Variants in PCDH15 observed in about 807,000 individuals in gnomAD.
PCDH15 encodes the protein protocadherin-15.
Under a neutral mutation model 178.5 loss-of-function variants are expected in PCDH15, and 129 were observed. That is an observed-to-expected ratio of 0.72 (90% CI 0.63 to 0.84). The LOEUF (loss-of-function observed/expected upper bound fraction) is 0.84. Ranked by LOEUF, PCDH15 falls within the 40% of genes least tolerant of loss-of-function variation. PCDH15 has a pLI of 0.00. For missense variants in PCDH15, 2,230 were observed against 2,099.9 expected (o/e 1.06, Z -1.21); for synonymous variants, 800 against 732.0 (o/e 1.09, Z -1.50).
At chr10:54,297,951 AC>A (rs771814329) in intron 8 of PCDH15, among the ~76,000 whole-genome samples, 11 of 152,212 alleles carry the variant, frequency 7.2e-5, no homozygotes, top group Non-Finnish European at 1.5e-4. Flanking sequence ...TGATAGAATG[AC>A]AGCTGAAGAA....
intron 2 of PCDH15, among the ~76,000 whole-genome samples, chr10:55,486,626 A>G (rs769390712): frequency 4.6e-5 from 7 of 151,496 alleles, no homozygotes; most frequent in Non-Finnish European, 8.9e-5. Context: ...ATTAAGATGA[A>G]ACTCCCTAGG....
intron 20 of PCDH15, among the ~76,000 whole-genome samples, chr10:54,008,724 T>C (rs2092468515): frequency 6.6e-6 from 1 of 152,154 alleles, no homozygotes. Flanking sequence ...CAAGTCTTTT[T>C]TTTCTCTTCT....
At chr10:54,351,430 A>T (rs898739525) in intron 5 of PCDH15, among the ~76,000 whole-genome samples, 1 of 152,182 alleles carries the variant, frequency 6.6e-6, no homozygotes, top group Non-Finnish European at 1.5e-5. Flanking sequence ...ACAGACCATA[A>T]TTTTTTTCTT....
intron 1 of PCDH15, among the ~76,000 whole-genome samples, chr10:54,757,321 C>T (rs199824591): frequency 0.53 from 19,006 of 35,860 alleles, 6,477 homozygotes; most frequent in Middle Eastern, 0.8. Flanking sequence ...TTCGCTCTGT[C>T]GCCCAGGCTG....
At chr10:53,924,765 T>G (rs2084343014) in intron 25 of PCDH15, among the ~76,000 whole-genome samples, 1 of 152,186 alleles carries the variant, frequency 6.6e-6, no homozygotes, top group Non-Finnish European at 1.5e-5. Flanking sequence ...ATCTACCTAA[T>G]CTGGTGGGGA....
chr10:55,001,291 G>A (rs577622084), intron 2 of PCDH15, among the ~76,000 whole-genome samples: 58 of 152,214 alleles, frequency 3.8e-4, no homozygotes, highest in Admixed American at 2.0e-3. Context: ...TATTCTTCCC[G>A]GATGCGGGAC....
At position 53,807,120 on chromosome 10, in the gene PCDH15, T is replaced by C; in HGVS notation, c.4682A>G (p.Lys1561Arg). The C allele has an allele frequency of 6.3e-7, 1 of 1,593,018 alleles. No homozygotes were observed. The highest frequency in any genetic ancestry group is 8.5e-7 in the Non-Finnish European group (1 of 1,170,422). ...EEYEEEEWARKRMIKLVVDRE... is the reference protein window; with the variant it reads ...EEYEEEEWARRRMIKLVVDRE... ...ATCAACAACTAACTTGATCATTCTT[T>C]TTCTTGCCCACTGATAAAATAAACA... is the stretch of plus-strand genomic sequence containing the variant. Residue 1561 changes from lysine to arginine, a missense_variant, in exon 38 of 38, where the codon AAA becomes AGA. Lys to Arg is a conservative substitution (Grantham distance 26). Coordinates refer to ENST00000644397, the MANE Select transcript of PCDH15 (RefSeq NM_001384140.1).
intron 1 of PCDH15, among the ~76,000 whole-genome samples, chr10:55,227,811 G>A (rs545531703): frequency 9.9e-5 from 15 of 152,156 alleles, no homozygotes; most frequent in Admixed American, 1.3e-4. Flanking sequence ...CAGAGGACGG[G>A]AGAAGGCAAT....
chr10:55,536,359 A>G (rs1841578065), intron 2 of PCDH15, among the ~76,000 whole-genome samples: 1 of 152,072 alleles, frequency 6.6e-6, no homozygotes. Flanking sequence ...GATCCTATTG[A>G]ACAGTTCTAA....
upstream of PCDH15, among the ~76,000 whole-genome samples, chr10:55,320,649 C>G (rs891819888): frequency 2.6e-5 from 4 of 152,074 alleles, no homozygotes; most frequent in Non-Finnish European, 5.9e-5. Flanking sequence ...TGCCACCCCC[C>G]CCAGAATTAG....
chr10:55,174,491 C>A (rs1242941801), intron 1 of PCDH15, among the ~76,000 whole-genome samples: 1 of 137,298 alleles, frequency 7.3e-6, no homozygotes, highest in Non-Finnish European at 1.6e-5. Flanking sequence ...TGCAGCTGGA[C>A]CTTTTCTGTA....
At chr10:54,891,420 G>C (rs894683939) in intron 3 of PCDH15, among the ~76,000 whole-genome samples, 1 of 152,120 alleles carries the variant, frequency 6.6e-6, no homozygotes, top group African/African-American at 2.4e-5. Flanking sequence ...TCTCTCCTGA[G>C]ATTATTACAG....
rs141365787 is a variant in PCDH15, at chr10:55,310,312, CG to C, written c.-156+9286del. Among the ~76,000 whole-genome samples, 802 of 152,098 alleles carry C rather than the reference CG, an allele frequency of 5.3e-3. 11 individuals carry two copies. Among genetic ancestry groups the C allele is most frequent in the African/African-American group, 0.018 (763 of 41,516 alleles). On this transcript the variant is annotated intron_variant, in intron 1 of 5. Transcript: ENST00000458638. ...CATAATGGGTTCTTAATAAATTTTT[CG>C]TAATTATTCTATTCTTTTATAAATA...
chr10:55,354,821 G>T (rs1373420873), intron 2 of PCDH15, among the ~76,000 whole-genome samples: 2 of 151,916 alleles, frequency 1.3e-5, no homozygotes, highest in Non-Finnish European at 2.9e-5. Context: ...GTATTGATTT[G>T]TGAATTGTGA....
chr10:54,380,269 G>GACAT (rs1459460069), intron 3 of PCDH15, among the ~76,000 whole-genome samples: 2 of 151,680 alleles, frequency 1.3e-5, no homozygotes, highest in African/African-American at 4.8e-5. Context: ...CACATACTAG[G>GACAT]ACATAATTAC....
chr10:55,562,812 G>A (rs749957981), intron 2 of PCDH15, among the ~76,000 whole-genome samples: 6 of 151,966 alleles, frequency 3.9e-5, no homozygotes, highest in Non-Finnish European at 7.4e-5. Context: ...TTGTGAAAGA[G>A]TCTGGTTTAC....
At chr10:53,820,796 C>A (rs566926474) in intron 32 of PCDH15, among the ~76,000 whole-genome samples, 2 of 152,004 alleles carry the variant, frequency 1.3e-5, no homozygotes, top group African/African-American at 4.8e-5. Flanking sequence ...ACAATTGGAG[C>A]GCTAAGAACT....
intron 13 of PCDH15, among the ~76,000 whole-genome samples, chr10:54,166,005 G>C (rs1396484553): frequency 6.6e-6 from 1 of 152,086 alleles, no homozygotes; most frequent in Non-Finnish European, 1.5e-5. Flanking sequence ...CATGACAAAG[G>C]GGCTGGGAGA....
At chr10:55,491,468 GA>G (rs1381549640) in intron 2 of PCDH15, among the ~76,000 whole-genome samples, 1 of 151,610 alleles carries the variant, frequency 6.6e-6, no homozygotes, top group Non-Finnish European at 1.5e-5. Flanking sequence ...GATGGTTGGG[GA>G]AAGTCAGAAC....
Sources: gnomAD v4.1 joint callset for allele counts (sites outside exome capture counted in the v4.1 genomes callset) on GRCh38, gnomAD v4.1.1 for gene constraint, MANE v1.5 for transcripts, NCBI Gene and HGNC (gene_info 2026-07-23, HGNC 2026-07-21) for gene names.